PALLD: variants seen among roughly 807,000 people sequenced by gnomAD.
PALLD encodes the protein palladin, cytoskeletal associated protein.
PALLD carries 61 observed loss-of-function variants against 123.5 expected under a neutral mutation model. The ratio of observed to expected loss-of-function variants is 0.49; its 90% CI spans 0.40 to 0.61. The LOEUF (loss-of-function observed/expected upper bound fraction) is 0.61, where lower values mean the gene tolerates loss of function less well. PALLD is among the 20% of genes least tolerant of loss of function. PALLD has a pLI of 0.00. For missense variants in PALLD, 1,273 were observed against 1,377.0 expected, an observed-to-expected ratio of 0.92 and a Z score of 1.20; for synonymous variants, 465 against 496.4, an observed-to-expected ratio of 0.94 and a Z score of 0.84.
chr4:168,564,500 T>C (rs958078497), intron 2 of PALLD, among the ~76,000 whole-genome samples: 3 of 152,364 alleles, frequency 2.0e-5, no homozygotes, highest in Non-Finnish European at 1.5e-5. Context: ...TTCAAGGTCT[T>C]ACTAGAAAAG....
At chr4:168,739,827 C>T (rs1465978831) in intron 10 of PALLD, among the ~76,000 whole-genome samples, 1 of 152,178 alleles carries the variant, frequency 6.6e-6, no homozygotes, top group South Asian at 2.1e-4. Context: ...GATAAGGGTA[C>T]CTATTTACTG....
At chr4:168,499,230 G>A (rs1339866871) in intron 1 of PALLD, among the ~76,000 whole-genome samples, 2 of 111,642 alleles carry the variant, frequency 1.8e-5, no homozygotes, top group Non-Finnish European at 3.8e-5. Context: ...AAAGGGAGAC[G>A]GGGAAGAAGG....
intron 2 of PALLD, among the ~76,000 whole-genome samples, chr4:168,533,475 T>G (rs1441944981): frequency 3.9e-5 from 6 of 152,218 alleles, no homozygotes; most frequent in African/African-American, 1.4e-4. Flanking sequence ...ATAAAGGTGA[T>G]TCCTACAAGT....
At chr4:168,912,045 A>AC (rs35233247) in intron 15 of PALLD, among the ~76,000 whole-genome samples, 4 of 150,202 alleles carry the variant, frequency 2.7e-5, no homozygotes, top group South Asian at 4.3e-4. Context: ...GACCTAGAGA[A>AC]CCCCCCCAGT....
chr4:168,915,558 G>GA (rs1175505662), intron 16 of PALLD, among the ~76,000 whole-genome samples: 4 of 152,022 alleles, frequency 2.6e-5, no homozygotes, highest in African/African-American at 9.7e-5. Context: ...AACTTCTGTT[G>GA]AAAAAGATTT....
chr4:168,810,834 A>AG lies in PALLD; in HGVS notation c.1965-80088_1965-80087insG, dbSNP rs1554087212. Among the ~76,000 whole-genome samples the AG allele has an allele frequency of 2.3e-3, 329 of 145,704 alleles. 2 individuals carry two copies. Among genetic ancestry groups the AG allele is most frequent in the African/African-American group, 6.6e-3 (262 of 39,458 alleles). On this transcript the variant is annotated intron_variant, in intron 10 of 21. Coordinates refer to ENST00000505667, the MANE Select transcript of PALLD (RefSeq NM_001166108.2). ...CGTCTCAAAAAAAAAAAAGAAAAAA[A>AG]AAGAAGAAGAAGAAGAAAATTCAGG...
At chr4:168,525,084 T>A (rs1483910758) in intron 2 of PALLD, among the ~76,000 whole-genome samples, 1 of 152,170 alleles carries the variant, frequency 6.6e-6, no homozygotes, top group East Asian at 1.9e-4. Flanking sequence ...ATTAAGAATG[T>A]GTTGGCATAT....
At chr4:168,886,351 A>G (rs1258332276) in intron 10 of PALLD, among the ~76,000 whole-genome samples, 2 of 152,218 alleles carry the variant, frequency 1.3e-5, no homozygotes, top group African/African-American at 4.8e-5. Context: ...ACATTTTAAA[A>G]TATCTTTTGG....
intron 2 of PALLD, among the ~76,000 whole-genome samples, chr4:168,542,645 A>G (rs1765730046): frequency 8.3e-6 from 1 of 119,834 alleles, no homozygotes; most frequent in Admixed American, 8.9e-5. Flanking sequence ...GGCTCCCTAT[A>G]TATTTATGTA....
Position 168,891,028 on chromosome 4 carries a change from A to G in PALLD, c.2071A>G (p.Lys691Glu), listed in dbSNP as rs1754081111. ...AGACCTGGAACGAAAACTTCGCTTCAAGGAGGACCTCCTGAACAATGGCCA... is the reference window on the plus strand; with the variant it reads ...AGACCTGGAACGAAAACTTCGCTTCGAGGAGGACCTCCTGAACAATGGCCA... The part of the protein sequence containing the change: ...IQDLERKLRF[K>E]EDLLNNGQPR... Residue 691 changes from lysine to glutamate, a missense_variant, in exon 11 of 22, where the codon AAG (lysine) becomes GAG (glutamate). By Grantham distance (56) the Lys-to-Glu change is moderately conservative (BLOSUM62 1). Around this residue, in one of 2 missense-constraint regions of PALLD, gnomAD observed 944 missense variants for 954.5 expected, o/e 0.99. Coordinates refer to ENST00000505667, the MANE Select transcript of PALLD (RefSeq NM_001166108.2). 6.2e-7 allele frequency: 1 copy of G among 1,614,050 alleles called. No homozygotes were observed. Among genetic ancestry groups the G allele is most frequent in the African/African-American group, 1.3e-5 (1 of 74,914 alleles).
At chr4:168,611,648 A>G (rs897717711) in intron 2 of PALLD, among the ~76,000 whole-genome samples, 4 of 152,130 alleles carry the variant, frequency 2.6e-5, no homozygotes, top group African/African-American at 9.7e-5. Context: ...TGCAGGCTAC[A>G]TTTCACTTCT....
chr4:168,786,263 A>T (rs964575241), intron 10 of PALLD, among the ~76,000 whole-genome samples: 1 of 152,096 alleles, frequency 6.6e-6, no homozygotes, highest in Middle Eastern at 3.4e-3. Flanking sequence ...GGGAGGTAGA[A>T]GTTGCAGTGA....
intron 17 of PALLD, among the ~76,000 whole-genome samples, chr4:168,920,530 T>TA (rs1761258608): frequency 6.6e-6 from 1 of 152,166 alleles, no homozygotes; most frequent in Non-Finnish European, 1.5e-5. Flanking sequence ...AGGCCTTCCT[T>TA]AACAGTGCAT....
At chr4:168,562,847 G>A (rs1767997439) in intron 2 of PALLD, among the ~76,000 whole-genome samples, 1 of 152,190 alleles carries the variant, frequency 6.6e-6, no homozygotes, top group Admixed American at 6.5e-5. Flanking sequence ...GATTCTAAGA[G>A]AGAAGAGTGA....
rs1227247395 is a variant in PALLD, at chr4:168,581,005, A to G, written c.908+68593A>G. On this transcript the variant is annotated intron_variant, in intron 2 of 21. Transcript: ENST00000505667. ...GGTTGGAGGTGGGAGAGGTTCAGGA[A>G]AAAAAAAAAACTGTCAGATACTATG... Among the ~76,000 whole-genome samples the G allele has an allele frequency of 5.3e-5, 8 of 149,808 alleles. No homozygotes were observed. The East Asian group carries it at 1.6e-3, about 29-fold the overall frequency.
intron 10 of PALLD, among the ~76,000 whole-genome samples, chr4:168,810,826 A>AG (rs59053766): frequency 7.3e-6 from 1 of 137,148 alleles, no homozygotes; most frequent in Non-Finnish European, 1.5e-5. Flanking sequence ...AAAAAAAAAA[A>AG]GAAAAAAAAA....
intron 10 of PALLD, among the ~76,000 whole-genome samples, chr4:168,775,462 G>A (rs558585541): frequency 1.8e-4 from 27 of 152,120 alleles, no homozygotes; most frequent in Non-Finnish European, 3.2e-4. Flanking sequence ...TATCAGACAT[G>A]TGCTTTGCAA....
At chr4:168,638,339 C>G (rs1055849346) in intron 2 of PALLD, among the ~76,000 whole-genome samples, 2 of 152,156 alleles carry the variant, frequency 1.3e-5, no homozygotes, top group Non-Finnish European at 2.9e-5. Context: ...GCTCTCAGAC[C>G]TTCAGGGCTC....
intron 10 of PALLD, among the ~76,000 whole-genome samples, chr4:168,865,845 T>G (rs188455732): frequency 3.9e-4 from 60 of 152,232 alleles, no homozygotes; most frequent in African/African-American, 1.4e-3. Context: ...CCTACTATAC[T>G]GCAAAGATAT....
Sources: allele counts gnomAD v4.1 joint callset (sites outside exome capture counted in the v4.1 genomes callset), GRCh38; gene constraint gnomAD v4.1.1; regional missense constraint gnomAD v4.1.1; transcripts MANE v1.5; gene names NCBI Gene and HGNC (gene_info 2026-07-23, HGNC 2026-07-21).